The following FAN1 variants were observed in gnomAD, a reference collection of about 807,000 sequenced individuals.
FAN1 encodes fanconi-associated nuclease 1.
A neutral mutation model predicts 104.9 loss-of-function variants in FAN1; 91 were observed. The ratio of observed to expected loss-of-function variants is 0.87; its 90% CI spans 0.73 to 1.03. The LOEUF is 1.03. Among genes scored for constraint, FAN1 ranks in the 50% least tolerant of loss-of-function variants. The probability of loss-of-function intolerance (pLI) is 0.00; values close to 1 mark genes in which losing one functional copy is unlikely to be tolerated. For synonymous variants in FAN1, 478 were observed against 457.6 expected (o/e 1.04, Z -0.57); for missense variants, 1,263 against 1,239.9 (o/e 1.02, Z -0.28).
intron 12 of FAN1, among the ~76,000 whole-genome samples, chr15:30,929,958 CATATAATATATAAAAT>C (rs1208715109): frequency 3.0e-5 from 3 of 100,764 alleles, no homozygotes; most frequent in Non-Finnish European, 5.6e-5. Flanking sequence ...TAATATATAT[CATATAATATATAAAAT>C]ATATAATATA....
Position 30,904,653 on chromosome 15 carries a change from T to A in FAN1, c.-11T>A. On this transcript the variant is annotated 5_prime_UTR_variant, in exon 2 of 15. Transcript: ENST00000362065. ...TTTTATTGCTCAGAACATCCAGTTT[T>A]TCTAATACTCATGATGTCAGAAGGG... The A allele has an allele frequency of 6.2e-7, 1 of 1,608,434 alleles. No individual in the cohort carries two copies. Among genetic ancestry groups the A allele is most frequent in the Non-Finnish European group, 8.5e-7 (1 of 1,178,076 alleles).
intron 14 of FAN1, chr15:30,940,066 GA>G (rs1395106326): frequency 6.6e-5 from 65 of 982,298 alleles, no homozygotes; most frequent in Non-Finnish European, 7.9e-5. Flanking sequence ...ACTTGTTTTA[GA>G]AAAGGAAATA....
At chr15:30,928,789 G>A in intron 11 of FAN1, 133 bp downstream of exon 11, 2 of 1,490,354 alleles carry the variant, frequency 1.3e-6, no homozygotes, top group South Asian at 2.7e-5. Flanking sequence ...CACAGGTCAA[G>A]ATGATAACTT....
intron 10 of FAN1, chr15:30,927,986 T>C (rs1787926856): frequency 1.0e-6 from 1 of 985,772 alleles, no homozygotes; most frequent in South Asian, 4.7e-5. Context: ...CAGATGTCTC[T>C]GTAAAAGCCT....
intron 5 of FAN1, among the ~76,000 whole-genome samples, chr15:30,914,537 G>A (rs1296611742): frequency 1.3e-5 from 2 of 152,072 alleles, no homozygotes; most frequent in African/African-American, 4.8e-5. Context: ...GCTAATTTTT[G>A]TATTTTTTTG....
chr15:30,910,897 G>T, intron 4 of FAN1, 82 bp downstream of exon 4: 1 of 1,469,394 alleles, frequency 6.8e-7, no homozygotes, highest in Non-Finnish European at 9.1e-7. Context: ...ATACTTGATT[G>T]AACTGTAATT....
intron 5 of FAN1, among the ~76,000 whole-genome samples, chr15:30,916,673 C>CT (rs1284218972): frequency 6.6e-6 from 1 of 152,132 alleles, no homozygotes; most frequent in African/African-American, 2.4e-5. Context: ...ATAATTTATC[C>CT]TTTTAAAATG....
intron 6 of FAN1, among the ~76,000 whole-genome samples, chr15:30,919,692 G>GA (rs57795513): frequency 0.21 from 26,823 of 129,236 alleles, 3,158 homozygotes; most frequent in African/African-American, 0.35. Flanking sequence ...CTGTCTCGGG[G>GA]AAAAAAAAAA....
At chr15:30,919,688 CG>C (rs1555400977) in intron 6 of FAN1, among the ~76,000 whole-genome samples, 1 of 118,622 alleles carries the variant, frequency 8.4e-6, no homozygotes, top group African/African-American at 3.8e-5. Flanking sequence ...GACTCTGTCT[CG>C]GGGAAAAAAA....
chr15:30,913,602 A>C (rs2140913374), intron 4 of FAN1, among the ~76,000 whole-genome samples: 1 of 152,200 alleles, frequency 6.6e-6, no homozygotes, highest in African/African-American at 2.4e-5. Context: ...ACCAGGGTAA[A>C]CCCCAACCTA....
rs762934873 is a variant in FAN1, at chr15:30,925,230, G to A, written c.2276G>A (p.Cys759Tyr). The A allele has an allele frequency of 5.6e-6, 9 of 1,614,130 alleles. No homozygotes were observed. Among genetic ancestry groups the A allele is most frequent in the Non-Finnish European group, 7.6e-6 (9 of 1,180,026 alleles). Reference sequence around the variant, plus strand: ...GTGCGCCTGCGAGAGTCTCCGAGCTGTAAAAAGTTCAAGCACCTCTTCCAG... The same window carrying A: ...GTGCGCCTGCGAGAGTCTCCGAGCTATAAAAAGTTCAAGCACCTCTTCCAG... ...RAVRLRESPS[C>Y]KKFKHLFQQL... The change falls in exon 9 of 15, where the codon TGT (cysteine) becomes TAT (tyrosine). Residue 759 changes from cysteine to tyrosine, a missense_variant. Physicochemically the swap from Cys to Tyr is radical, Grantham distance 194. This residue lies in a region of FAN1 where 581 missense variants were observed against 668.8 expected (regional missense o/e 0.87). Coordinates refer to ENST00000362065, the MANE Select transcript of FAN1 (RefSeq NM_014967.5).
intron 10 of FAN1, 82 bp from the exon 11 acceptor site, chr15:30,928,471 T>C (rs904959071): frequency 5.3e-5 from 84 of 1,572,878 alleles, no homozygotes; most frequent in Non-Finnish European, 7.0e-5. Context: ...CAGTAGGTTA[T>C]GGTGGTGTTT....
intron 14 of FAN1, chr15:30,940,277 C>CTT: frequency 2.1e-6 from 1 of 477,112 alleles, no homozygotes; most frequent in African/African-American, 2.9e-5. Flanking sequence ...TTTGGAAATA[C>CTT]TTTACTTTAG....
intron 6 of FAN1, among the ~76,000 whole-genome samples, chr15:30,918,951 A>G (rs774001138): frequency 8.5e-5 from 13 of 152,126 alleles, no homozygotes; most frequent in South Asian, 6.2e-4. Flanking sequence ...CTTCCCCACT[A>G]CTTAATTAAT....
intron 11 of FAN1, 111 bp downstream of exon 11, chr15:30,928,767 C>T (rs184117422): frequency 2.6e-6 from 4 of 1,550,410 alleles, no homozygotes; most frequent in East Asian, 4.5e-5. Context: ...TGTTACGGTC[C>T]TTTGGGTCAT....
intron 10 of FAN1, chr15:30,926,701 G>A: frequency 1.0e-6 from 1 of 985,384 alleles, no homozygotes; most frequent in South Asian, 4.7e-5. Flanking sequence ...AGAATAGAAT[G>A]CACATTCAAG....
intron 4 of FAN1, 39 bp from the exon 5 acceptor site, chr15:30,913,819 A>T: frequency 7.2e-7 from 1 of 1,381,940 alleles, no homozygotes; most frequent in Non-Finnish European, 1.0e-6. Context: ...CCAAATGCTT[A>T]AAAAGCTAAA....
chr15:30,930,225 G>A (rs1016506711), intron 12 of FAN1, among the ~76,000 whole-genome samples: 1 of 151,560 alleles, frequency 6.6e-6, no homozygotes, highest in Non-Finnish European at 1.5e-5. Flanking sequence ...TTCAACTGCT[G>A]CCCTCTATGA....
intron 7 of FAN1, among the ~76,000 whole-genome samples, chr15:30,920,942 C>T (rs1303516729): frequency 6.6e-6 from 1 of 152,132 alleles, no homozygotes; most frequent in African/African-American, 2.4e-5. Flanking sequence ...CGCCACCATG[C>T]CTAGCTAATT....
Sources: gnomAD v4.1 joint callset for allele counts (sites outside exome capture counted in the v4.1 genomes callset) on GRCh38, gnomAD v4.1.1 for gene constraint, gnomAD v4.1.1 regional missense constraint, MANE v1.5 for transcripts, NCBI Gene and HGNC (gene_info 2026-07-23, HGNC 2026-07-21) for gene names.